Variants in NLGN1 observed in about 807,000 individuals in gnomAD.
NLGN1 encodes the protein neuroligin-1.
NLGN1 carries 12 observed loss-of-function variants against 65.5 expected under a neutral mutation model. The observed-to-expected ratio is 0.18, with a 90% CI of 0.12 to 0.30. The LOEUF (loss-of-function observed/expected upper bound fraction) is 0.30, where lower values mean the gene tolerates loss of function less well. Among genes scored for constraint, NLGN1 ranks in the 10% least tolerant of loss-of-function variants. NLGN1 has a pLI of 1.00. For synonymous variants in NLGN1, 350 were observed against 359.5 expected (o/e 0.97, Z 0.30); for missense variants, 750 against 1,007.1 (o/e 0.74, Z 3.46).
chr3:173,494,122 AGT>A (rs63066860), intron 2 of NLGN1, among the ~76,000 whole-genome samples: 30,556 of 147,812 alleles, frequency 0.21, 3,358 homozygotes, highest in Middle Eastern at 0.32. Flanking sequence ...GTTATAGGTG[AGT>A]GTGTGTGTGT....
intron 2 of NLGN1, among the ~76,000 whole-genome samples, chr3:173,546,001 G>C (rs1317158283): frequency 1.3e-5 from 2 of 152,008 alleles, no homozygotes. Context: ...GTAGATGATG[G>C]GTTGATAGGT....
Position 173,574,466 on chromosome 3 carries a change from A to G in NLGN1, c.-320-29813A>G, listed in dbSNP as rs894438830. On this transcript the variant is annotated intron_variant, in intron 2 of 6. Transcript: ENST00000457714. Reference sequence around the variant, plus strand: ...TTAAAATTTTATATTTAAATAATTTAAATTAAACTCTTTATTAGTAAGTAA... The same window carrying G: ...TTAAAATTTTATATTTAAATAATTTGAATTAAACTCTTTATTAGTAAGTAA... 5.3e-5 allele frequency among the ~76,000 whole-genome samples: 8 copies of G among 152,016 alleles called. No individual in the cohort carries two copies. In the East Asian group the frequency reaches 1.6e-3, roughly 30 times the overall value.
At chr3:173,655,888 G>A (rs1178973292) in intron 3 of NLGN1, among the ~76,000 whole-genome samples, 1 of 152,092 alleles carries the variant, frequency 6.6e-6, no homozygotes, top group Non-Finnish European at 1.5e-5. Context: ...TGGACAAAAT[G>A]CACAGACAAA....
At chr3:173,724,738 G>A (rs1215362466) in intron 3 of NLGN1, among the ~76,000 whole-genome samples, 2 of 152,162 alleles carry the variant, frequency 1.3e-5, no homozygotes, top group Admixed American at 6.5e-5. Flanking sequence ...GCACACATAT[G>A]TTTATTGCGG....
intron 2 of NLGN1, among the ~76,000 whole-genome samples, chr3:173,441,012 A>T (rs1464483784): frequency 1.3e-5 from 2 of 152,188 alleles, no homozygotes; most frequent in Admixed American, 1.3e-4. Context: ...CAGCTTCTAC[A>T]CCAGGACTTT....
chr3:174,053,777 A>G (rs1051100658), intron 4 of NLGN1, among the ~76,000 whole-genome samples: 1 of 151,716 alleles, frequency 6.6e-6, no homozygotes, highest in Non-Finnish European at 1.5e-5. Flanking sequence ...TTCATTTGCT[A>G]CCTTTTCCTT....
At chr3:173,898,543 T>C (rs1241528145) in intron 4 of NLGN1, among the ~76,000 whole-genome samples, 1 of 152,222 alleles carries the variant, frequency 6.6e-6, no homozygotes, top group Non-Finnish European at 1.5e-5. Flanking sequence ...TTAACCAGCA[T>C]ACTACTGGTA....
At chr3:174,038,775 CT>C (rs1731662647) in intron 4 of NLGN1, among the ~76,000 whole-genome samples, 1 of 152,050 alleles carries the variant, frequency 6.6e-6, no homozygotes, top group Non-Finnish European at 1.5e-5. Flanking sequence ...TTCTAATTGC[CT>C]TATGTTTTAC....
intron 2 of NLGN1, among the ~76,000 whole-genome samples, chr3:173,435,917 TGA>T (rs1560248507): frequency 6.6e-6 from 1 of 152,170 alleles, no homozygotes; most frequent in African/African-American, 2.4e-5. Context: ...TCATTTTTAA[TGA>T]GAGAAGAATA....
Position 173,754,047 on chromosome 3 carries a change from T to TTG in NLGN1, c.494-53632_494-53631insGT, listed in dbSNP as rs1560302076. 8.0e-5 allele frequency among the ~76,000 whole-genome samples: 11 copies of TTG among 137,662 alleles called. 1 individual carries two copies. The highest frequency in any genetic ancestry group is 2.2e-4 in the African/African-American group (8 of 35,914). The allele number at this position is 137,662 out of a possible 152,430, so 90.3% of individuals were successfully genotyped here. A position where few individuals can be genotyped will look rare whatever the true frequency, so the allele number is the denominator to read the frequency against. On this transcript the variant is annotated intron_variant, in intron 3 of 6. Coordinates refer to ENST00000457714, the Ensembl canonical transcript of NLGN1. ...TTCTTTTTTTTTTTTTGTTTTTTTTTTTGTTGTTGTTGTTGAGACAGGGTC... is the reference window on the plus strand; with the variant it reads ...TTCTTTTTTTTTTTTTGTTTTTTTTTTGTTGTTGTTGTTGTTGAGACAGGGTC...
At chr3:174,069,733 C>A (rs1243843432) in intron 4 of NLGN1, among the ~76,000 whole-genome samples, 1 of 152,118 alleles carries the variant, frequency 6.6e-6, no homozygotes, top group East Asian at 1.9e-4. Flanking sequence ...ATGAGGAAAT[C>A]ATCTCAGGGT....
At chr3:173,576,252 A>G (rs1745479066) in intron 2 of NLGN1, among the ~76,000 whole-genome samples, 1 of 152,120 alleles carries the variant, frequency 6.6e-6, no homozygotes, top group South Asian at 2.1e-4. Context: ...GGTTCACATT[A>G]TGTTTCTATG....
chr3:174,041,913 G>A lies in NLGN1; in HGVS notation c.647-233402G>A, dbSNP rs1380979890. Among the ~76,000 whole-genome samples the A allele has an allele frequency of 2.0e-5, 3 of 152,112 alleles. No individual in the cohort carries two copies. In the East Asian group the frequency reaches 5.8e-4, roughly 29 times the overall value. ...TGCTAAAAATACAAAAATTACCTGG[G>A]TGTGTTGGCAGGTGCCTGTAATTCC... On this transcript the variant is annotated intron_variant, in intron 4 of 6. Coordinates refer to ENST00000457714, the Ensembl canonical transcript of NLGN1.
At chr3:174,207,116 C>A (rs867632191) in intron 4 of NLGN1, among the ~76,000 whole-genome samples, 1 of 149,288 alleles carries the variant, frequency 6.7e-6, no homozygotes, top group Middle Eastern at 3.2e-3. Context: ...TTTTCTTCTT[C>A]TTCCAGAGTG....
intron 2 of NLGN1, among the ~76,000 whole-genome samples, chr3:173,581,367 T>TGG (rs761154575): frequency 1.3e-5 from 2 of 152,018 alleles, no homozygotes; most frequent in African/African-American, 4.8e-5. Flanking sequence ...TTAAATACTC[T>TGG]GGGTGAGTTT....
At chr3:174,239,070 T>TTTTTTTA (rs1226061523) in intron 4 of NLGN1, among the ~76,000 whole-genome samples, 2 of 152,048 alleles carry the variant, frequency 1.3e-5, no homozygotes, top group Non-Finnish European at 2.9e-5. Flanking sequence ...TTTCTTTCTT[T>TTTTTTTA]TTTTTTATTT....
At chr3:173,617,410 G>C (rs1753278511) in intron 3 of NLGN1, among the ~76,000 whole-genome samples, 1 of 152,138 alleles carries the variant, frequency 6.6e-6, no homozygotes, top group Non-Finnish European at 1.5e-5. Flanking sequence ...TCAACCTTAA[G>C]AAACAATGCA....
intron 4 of NLGN1, among the ~76,000 whole-genome samples, chr3:174,182,893 A>G (rs747977647): frequency 3.3e-5 from 5 of 151,976 alleles, no homozygotes; most frequent in Non-Finnish European, 5.9e-5. Flanking sequence ...ACCCCTTTCT[A>G]TTCATGCTCT....
intron 3 of NLGN1, among the ~76,000 whole-genome samples, chr3:173,767,951 A>G (rs1560328978): frequency 6.6e-6 from 1 of 152,054 alleles, no homozygotes; most frequent in African/African-American, 2.4e-5. Flanking sequence ...ATTTTTAACA[A>G]TTTCCTTTGA....
Sources: gnomAD v4.1 joint callset for allele counts (sites outside exome capture counted in the v4.1 genomes callset) on GRCh38, gnomAD v4.1.1 for gene constraint, MANE v1.5 for transcripts, NCBI Gene and HGNC (gene_info 2026-07-23, HGNC 2026-07-21) for gene names.